The following FBXW11 variants were observed in gnomAD, a reference collection of about 807,000 sequenced individuals.
FBXW11 encodes the protein F-box/WD repeat-containing protein 11.
A neutral mutation model predicts 77.6 loss-of-function variants in FBXW11; 19 were observed. That is an observed-to-expected ratio of 0.24 (90% CI 0.17 to 0.36). The LOEUF is 0.36. Among genes scored for constraint, FBXW11 ranks in the 10% least tolerant of loss-of-function variants. The probability of loss-of-function intolerance (pLI) is 1.00; values close to 1 mark genes in which losing one functional copy is unlikely to be tolerated. For missense variants in FBXW11, 334 were observed against 704.2 expected (o/e 0.47, Z 5.95); for synonymous variants, 235 against 249.4 (o/e 0.94, Z 0.54).
At chr5:172,000,013 G>A (rs189237001) in intron 1 of FBXW11, among the ~76,000 whole-genome samples, 3 of 152,254 alleles carry the variant, frequency 2.0e-5, no homozygotes, top group Admixed American at 2.0e-4. Context: ...ATACCCTACT[G>A]GATTGTCAGG....
intron 1 of FBXW11, among the ~76,000 whole-genome samples, chr5:171,958,125 C>A (rs538357658): frequency 1.4e-4 from 22 of 152,244 alleles, no homozygotes; most frequent in African/African-American, 5.3e-4. Flanking sequence ...GTGCTATTTG[C>A]CCAGCACTTT....
intron 1 of FBXW11, among the ~76,000 whole-genome samples, chr5:171,961,061 C>T (rs143927152): frequency 6.6e-6 from 1 of 152,110 alleles, no homozygotes; most frequent in African/African-American, 2.4e-5. Context: ...CTCATTTTTA[C>T]AATAATCCTA....
intron 1 of FBXW11, among the ~76,000 whole-genome samples, chr5:171,997,566 C>G (rs1374945271): frequency 6.6e-6 from 1 of 152,192 alleles, no homozygotes; most frequent in African/African-American, 2.4e-5. Flanking sequence ...ATCCTCTACC[C>G]TTAGCTAAAA....
chr5:171,990,741 T>C (rs913607089), intron 1 of FBXW11, among the ~76,000 whole-genome samples: 6 of 152,220 alleles, frequency 3.9e-5, no homozygotes, highest in South Asian at 2.1e-4. Flanking sequence ...AAAAATAATG[T>C]GTACAGGATA....
intron 7 of FBXW11, among the ~76,000 whole-genome samples, chr5:171,890,319 TCAAGACCAGCCTGGGC>T (rs1759255136): frequency 6.6e-6 from 1 of 151,868 alleles, no homozygotes; most frequent in East Asian, 1.9e-4. Context: ...GGTCAGGAGC[TCAAGACCAGCCTGGGC>T]AACACGGCAA....
At chr5:171,924,432 C>A (rs1204520822) in intron 2 of FBXW11, among the ~76,000 whole-genome samples, 2 of 152,134 alleles carry the variant, frequency 1.3e-5, no homozygotes, top group African/African-American at 2.4e-5. Context: ...CTATTAAAAA[C>A]CCTGAACTCA....
At chr5:171,988,215 T>C (rs1466183559) in intron 1 of FBXW11, among the ~76,000 whole-genome samples, 4 of 152,226 alleles carry the variant, frequency 2.6e-5, no homozygotes, top group African/African-American at 7.2e-5. Context: ...TTTTAGTTTC[T>C]AAATACCATT....
At chr5:171,874,430 C>T (rs1176265026) in intron 9 of FBXW11, among the ~76,000 whole-genome samples, 2 of 152,154 alleles carry the variant, frequency 1.3e-5, no homozygotes, top group Non-Finnish European at 2.9e-5. Flanking sequence ...TGTAATAAAG[C>T]TCAAACCCTC....
At chr5:171,889,770 C>T (rs1207061835) in intron 7 of FBXW11, among the ~76,000 whole-genome samples, 2 of 152,024 alleles carry the variant, frequency 1.3e-5, no homozygotes, top group Non-Finnish European at 2.9e-5. Context: ...TGCCTATAAT[C>T]CCAGCTACTC....
intron 9 of FBXW11, among the ~76,000 whole-genome samples, chr5:171,874,042 T>C (rs1485213526): frequency 1.3e-5 from 2 of 152,314 alleles, no homozygotes; most frequent in East Asian, 1.9e-4. Context: ...TAAAATCATT[T>C]GTGCATCAAA....
chr5:171,896,325 G>C (rs1759742833), intron 6 of FBXW11, among the ~76,000 whole-genome samples: 1 of 152,164 alleles, frequency 6.6e-6, no homozygotes, highest in African/African-American at 2.4e-5. Context: ...CAACTGGGGA[G>C]GGAGGGGGGA....
chr5:171,965,922 C>T (rs1764162227), intron 1 of FBXW11, among the ~76,000 whole-genome samples: 1 of 152,054 alleles, frequency 6.6e-6, no homozygotes, highest in Non-Finnish European at 1.5e-5. Context: ...TTGCTGTTCT[C>T]GCGATAGTGA....
intron 1 of FBXW11, among the ~76,000 whole-genome samples, chr5:172,005,177 C>G (rs1766657089): frequency 1.3e-5 from 2 of 152,174 alleles, no homozygotes; most frequent in South Asian, 4.1e-4. Flanking sequence ...CCAGTGGAAT[C>G]ACTGACTCAA....
intron 3 of FBXW11, 45 bp downstream of exon 3, chr5:171,914,295 ATCT>A (rs1761085192): frequency 2.5e-5 from 38 of 1,496,858 alleles, no homozygotes; most frequent in Non-Finnish European, 3.5e-5. Context: ...GGAGCATCCT[ATCT>A]ACAGTAAGTC....
At chr5:171,945,680 G>C (rs1029990443) in intron 2 of FBXW11, among the ~76,000 whole-genome samples, 2 of 152,138 alleles carry the variant, frequency 1.3e-5, no homozygotes, top group Admixed American at 1.3e-4. Flanking sequence ...TTTCACTATT[G>C]CAAGTAGAAA....
At chr5:171,987,792 C>T (rs1400054456) in intron 1 of FBXW11, among the ~76,000 whole-genome samples, 1 of 152,074 alleles carries the variant, frequency 6.6e-6, no homozygotes, top group Non-Finnish European at 1.5e-5. Flanking sequence ...AAATTTCCTT[C>T]CTTTTCTAAC....
chr5:171,963,171 T>C (rs190869695), intron 1 of FBXW11, among the ~76,000 whole-genome samples: 7 of 112,384 alleles, frequency 6.2e-5, no homozygotes, highest in Non-Finnish European at 1.4e-4. Flanking sequence ...CTTAAACTTA[T>C]AATGTAAATA....
chr5:171,987,951 A>G (rs1765533872), intron 1 of FBXW11, among the ~76,000 whole-genome samples: 1 of 152,230 alleles, frequency 6.6e-6, no homozygotes. Context: ...AGAACAGAGT[A>G]CATGCTCAAT....
chr5:171,953,082 A>G (rs1763429831), intron 2 of FBXW11, among the ~76,000 whole-genome samples: 1 of 152,000 alleles, frequency 6.6e-6, no homozygotes, highest in Non-Finnish European at 1.5e-5. Context: ...GGATTCCCCA[A>G]CCTCAGCTCC....
Sources: allele counts gnomAD v4.1 joint callset (sites outside exome capture counted in the v4.1 genomes callset), GRCh38; gene constraint gnomAD v4.1.1; transcripts MANE v1.5; gene names NCBI Gene and HGNC (gene_info 2026-07-23, HGNC 2026-07-21).